POP7: variants seen among roughly 807,000 people sequenced by gnomAD.
POP7 encodes the protein ribonuclease P protein subunit p20.
A neutral mutation model predicts 7.5 loss-of-function variants in POP7; 5 were observed. That is an observed-to-expected ratio of 0.66 (90% CI 0.35 to 1.40). The LOEUF is 1.40. Ranked by LOEUF, POP7 falls within the 40% of genes most tolerant of loss-of-function variation. The pLI is 0.04. For missense variants in POP7, 170 were observed against 189.1 expected (o/e 0.90, Z 0.59); for synonymous variants, 85 against 81.6 (o/e 1.04, Z -0.23).
At position 100,707,053 on chromosome 7, in the gene POP7, G is replaced by C; in HGVS notation, c.223G>C (p.Gly75Arg). The change falls in exon 2 of 2, where the codon GGC (glycine) becomes CGC (arginine). Residue 75 changes from glycine (G) to arginine (R), a missense_variant. Physicochemically the swap from Gly to Arg is moderately radical, Grantham distance 125 (BLOSUM62 -2). Transcript: ENST00000303151. Reference protein sequence around the residue: ...ACSEIYIHGLGLAINRAINIA... With the variant: ...ACSEIYIHGLRLAINRAINIA... ...CTCTGAGATCTACATTCACGGCTTG[G>C]GCCTGGCCATCAACCGCGCCATCAA... 1 of 1,614,082 alleles carries C rather than the reference G, an allele frequency of 6.2e-7. No homozygotes were observed. Among genetic ancestry groups the C allele is most frequent in the Non-Finnish European group, 8.5e-7 (1 of 1,180,046 alleles).
chr7:100,706,338 T>A, intron 1 of POP7, 34 bp downstream of exon 1: 1 of 153,036 alleles, frequency 6.5e-6, no homozygotes, highest in Admixed American at 6.5e-5. Context: ...GGGGCGCGAG[T>A]TTGAGGGCGA....
In POP7 at chr7:100,707,084, C is replaced by T; in HGVS notation, c.254C>T (p.Ala85Val). Residue 85 changes from alanine to valine, a missense_variant, in exon 2 of 2, where the codon GCG becomes GTG. By Grantham distance (64) the Ala-to-Val change is moderately conservative. Coordinates refer to ENST00000303151, the MANE Select transcript of POP7 (RefSeq NM_005837.3). ...GLAINRAINI[A>V]LQLQAGSFGS... ...GCCATCAACCGCGCCATCAACATCGCGCTGCAGCTGCAGGCGGGCAGCTTC... is the reference window on the plus strand; with the variant it reads ...GCCATCAACCGCGCCATCAACATCGTGCTGCAGCTGCAGGCGGGCAGCTTC... 6.2e-7 allele frequency: 1 copy of T among 1,614,106 alleles called. No homozygotes were observed. Among genetic ancestry groups the T allele is most frequent in the Non-Finnish European group, 8.5e-7 (1 of 1,180,042 alleles).
rs185553270 is a variant in POP7, at chr7:100,707,333, T to A, written c.*80T>A. ...AGTACTGGACCTCGGACCAGAGCCA[T>A]GTAAGAAAAGGCCTGTTCCCTGGAA... On this transcript the variant is annotated 3_prime_UTR_variant, in exon 2 of 2. Transcript: ENST00000303151. 6.8e-7 allele frequency: 1 copy of A among 1,467,758 alleles called. No homozygotes were observed. The highest frequency in any genetic ancestry group is 9.2e-7 in the Non-Finnish European group (1 of 1,089,408). 90.9% of individuals were successfully genotyped at this position (1,467,758 alleles called of 1,614,324 possible). A position where few individuals can be genotyped will look rare whatever the true frequency, so the allele number is the denominator to read the frequency against.
Position 100,707,249 on chromosome 7 carries a change from A to G in POP7, c.419A>G (p.Lys140Arg). Reference sequence around the variant, plus strand: ...ATCCGAGTCTTCAGGGTCACACCCAAGTAATTGAAAAGACACTCCTCCACT... The same window carrying G: ...ATCCGAGTCTTCAGGGTCACACCCAGGTAATTGAAAAGACACTCCTCCACT... ...IHIRVFRVTP[K>R] Residue 140 changes from lysine to arginine, a missense_variant, in exon 2 of 2, where the codon AAG (lysine) becomes AGG (arginine). Physicochemically the swap from Lys to Arg is conservative, Grantham distance 26 (BLOSUM62 2). Transcript: ENST00000303151. The G allele has an allele frequency of 1.2e-6, 2 of 1,611,608 alleles. No homozygotes were observed. The highest frequency in any genetic ancestry group is 2.2e-5 in the South Asian group (2 of 91,058).
Position 100,707,118 on chromosome 7 carries a change from G to T in POP7, c.288G>T (p.Leu96Phe). ...LQLQAGSFGS[L>F]QVAANTSTVE... ...TGCAGGCGGGCAGCTTCGGGTCCTT[G>T]CAGGTGGCTGCCAATACCTCCACCG... Residue 96 changes from leucine to phenylalanine, a missense_variant, in exon 2 of 2, where the codon TTG (leucine) becomes TTT (phenylalanine). Physicochemically the swap from Leu to Phe is conservative, Grantham distance 22. Transcript: ENST00000303151. The T allele has an allele frequency of 1.2e-6, 2 of 1,614,118 alleles. No individual in the cohort carries two copies. The highest frequency in any genetic ancestry group is 1.7e-6 in the Non-Finnish European group (2 of 1,180,028).
In POP7 at chr7:100,707,012, G is replaced by A; in HGVS notation, c.182G>A (p.Arg61Gln). 2 of 1,613,888 alleles carry A rather than the reference G, an allele frequency of 1.2e-6. No homozygotes were observed. The highest frequency in any genetic ancestry group is 1.7e-6 in the Non-Finnish European group (2 of 1,179,984). The change falls in exon 2 of 2, where the codon CGG (arginine) becomes CAG (glutamine). Residue 61 changes from arginine to glutamine, a missense_variant. Physicochemically the swap from Arg to Gln is conservative, Grantham distance 43 (BLOSUM62 1). Coordinates refer to ENST00000303151, the MANE Select transcript of POP7 (RefSeq NM_005837.3). Reference protein sequence around the residue: ...RCQKLLDGGARGQNACSEIYI... With the variant: ...RCQKLLDGGAQGQNACSEIYI... ...CAGAAGCTGCTGGACGGAGGGGCCC[G>A]GGGTCAGAACGCGTGCTCTGAGATC...
Position 100,706,866 on chromosome 7 carries a change from G to C in POP7, c.36G>C (p.Glu12Asp), listed in dbSNP as rs1806528708. 1.2e-6 allele frequency: 2 copies of C among 1,613,812 alleles called. No individual in the cohort carries two copies. The highest frequency in any genetic ancestry group is 1.3e-5 in the African/African-American group (1 of 74,928). The change falls in exon 2 of 2, where the codon GAG (glutamate) becomes GAC (aspartate). Residue 12 changes from glutamate (E) to aspartate (D), a missense_variant. Glu to Asp is a conservative substitution (Grantham distance 45, BLOSUM62 2). Transcript: ENST00000303151. ...AENREPRGAVEAELDPVEYTL... is the reference protein window; with the variant it reads ...AENREPRGAVDAELDPVEYTL... Reference sequence around the variant, plus strand: ...ACCGAGAGCCCCGCGGTGCTGTGGAGGCTGAACTGGATCCAGTGGAATACA... The same window carrying C: ...ACCGAGAGCCCCGCGGTGCTGTGGACGCTGAACTGGATCCAGTGGAATACA...
In POP7 at chr7:100,706,928, G is replaced by T; in HGVS notation, c.98G>T (p.Arg33Ile). The part of the protein sequence containing the change: ...RKRLPSRLPR[R>I]PNDIYVNMKT... ...AGGCTTCCCAGCCGCCTGCCCCGGAGACCCAATGACATTTATGTCAACATG... is the reference window on the plus strand; with the variant it reads ...AGGCTTCCCAGCCGCCTGCCCCGGATACCCAATGACATTTATGTCAACATG... Residue 33 changes from arginine to isoleucine, a missense_variant, in exon 2 of 2, where the codon AGA becomes ATA. Physicochemically the swap from Arg to Ile is moderately conservative, Grantham distance 97. Transcript: ENST00000303151. 5.0e-6 allele frequency: 8 copies of T among 1,614,036 alleles called. No homozygotes were observed. The highest frequency in any genetic ancestry group is 6.8e-6 in the Non-Finnish European group (8 of 1,180,044).
Position 100,706,888 on chromosome 7 carries a change from T to C in POP7, c.58T>C (p.Tyr20His). 3.1e-6 allele frequency: 5 copies of C among 1,613,868 alleles called. No homozygotes were observed. Among genetic ancestry groups the C allele is most frequent in the Non-Finnish European group, 3.4e-6 (4 of 1,180,020 alleles). Residue 20 changes from tyrosine (Y) to histidine (H), a missense_variant, in exon 2 of 2, where the codon TAC becomes CAC. Transcript: ENST00000303151. ...GGAGGCTGAACTGGATCCAGTGGAA[T>C]ACACCCTTAGGAAAAGGCTTCCCAG... is the stretch of plus-strand genomic sequence containing the variant. ...AVEAELDPVE[Y>H]TLRKRLPSRL...
rs1417275191 is a variant in POP7 at position 100,707,471 on chromosome 7, A to G, written c.*218A>G. The G allele has an allele frequency of 1.7e-6, 1 of 579,656 alleles. No homozygotes were observed. Among genetic ancestry groups the G allele is most frequent in the East Asian group, 3.0e-5 (1 of 33,892 alleles). 35.9% of individuals were successfully genotyped at this position (579,656 alleles called of 1,614,324 possible). On this transcript the variant is annotated 3_prime_UTR_variant, in exon 2 of 2. Coordinates refer to ENST00000303151, the MANE Select transcript of POP7 (RefSeq NM_005837.3). ...GTAACTATTGCCATATAAATAAAAAATCCTGTTGCACTAGTGTCCTGCCAT... is the reference window on the plus strand; with the variant it reads ...GTAACTATTGCCATATAAATAAAAAGTCCTGTTGCACTAGTGTCCTGCCAT...
rs1163583209 is a variant in POP7, at chr7:100,707,386, G to A, written c.*133G>A. 8.1e-6 allele frequency: 9 copies of A among 1,104,892 alleles called. No homozygotes were observed. The highest frequency in any genetic ancestry group is 2.6e-5 in the East Asian group (1 of 38,464). 68.4% of individuals were successfully genotyped at this position (1,104,892 alleles called of 1,614,324 possible). A position where few individuals can be genotyped will look rare whatever the true frequency, so the allele number is the denominator to read the frequency against. Reference sequence around the variant, plus strand: ...CCAAAGGACTCTGCATTGAGGGTGGGGGTAATTGTCTCTTGGTGGGCCCAG... The same window carrying A: ...CCAAAGGACTCTGCATTGAGGGTGGAGGTAATTGTCTCTTGGTGGGCCCAG... On this transcript the variant is annotated 3_prime_UTR_variant, in exon 2 of 2. Coordinates refer to ENST00000303151, the MANE Select transcript of POP7 (RefSeq NM_005837.3).
intron 1 of POP7, chr7:100,706,545 C>T (rs1368367900): frequency 2.2e-6 from 1 of 447,470 alleles, no homozygotes; most frequent in Non-Finnish European, 4.0e-6. Flanking sequence ...GGCGCGATCA[C>T]GGCTCACTGT....
intron 1 of POP7, 104 bp from the exon 2 acceptor site, chr7:100,706,717 C>T (rs889171996): frequency 3.5e-6 from 4 of 1,158,490 alleles, no homozygotes; most frequent in East Asian, 2.4e-5. Flanking sequence ...AGGTTACAGG[C>T]GTGAGCCACT....
Position 100,707,393 on chromosome 7 carries a change from T to TG in POP7, c.*141dup. ...ACTCTGCATTGAGGGTGGGGGTAATTGTCTCTTGGTGGGCCCAGTTAGTGG... is the reference window on the plus strand; with the variant it reads ...ACTCTGCATTGAGGGTGGGGGTAATTGGTCTCTTGGTGGGCCCAGTTAGTGG... On this transcript the variant is annotated 3_prime_UTR_variant, in exon 2 of 2. Transcript: ENST00000303151. The TG allele has an allele frequency of 1.0e-6, 1 of 1,004,648 alleles. No individual in the cohort carries two copies. The highest frequency in any genetic ancestry group is 1.4e-6 in the Non-Finnish European group (1 of 690,896). The allele number at this position is 1,004,648 out of a possible 1,614,324, so 62.2% of individuals were successfully genotyped here. A position where few individuals can be genotyped will look rare whatever the true frequency, so the allele number is the denominator to read the frequency against.
Position 100,707,027 on chromosome 7 carries a change from G to A in POP7, c.197G>A (p.Cys66Tyr), listed in dbSNP as rs1806532075. 1.2e-6 allele frequency: 2 copies of A among 1,613,900 alleles called. No individual in the cohort carries two copies. Among genetic ancestry groups the A allele is most frequent in the Non-Finnish European group, 1.7e-6 (2 of 1,179,970 alleles). The change falls in exon 2 of 2, where the codon TGC (cysteine) becomes TAC (tyrosine). Residue 66 changes from cysteine (C) to tyrosine (Y), a missense_variant. Coordinates refer to ENST00000303151, the MANE Select transcript of POP7 (RefSeq NM_005837.3). ...GGAGGGGCCCGGGGTCAGAACGCGT[G>A]CTCTGAGATCTACATTCACGGCTTG... ...LDGGARGQNA[C>Y]SEIYIHGLGL...
At position 100,706,978 on chromosome 7, in the gene POP7, G is replaced by T; in HGVS notation, c.148G>T (p.Ala50Ser). Reference sequence around the variant, plus strand: ...GAAGACGGACTTTAAGGCCCAGCTGGCCCGCTGCCAGAAGCTGCTGGACGG... The same window carrying T: ...GAAGACGGACTTTAAGGCCCAGCTGTCCCGCTGCCAGAAGCTGCTGGACGG... ...NMKTDFKAQL[A>S]RCQKLLDGGA... The change falls in exon 2 of 2, where the codon GCC becomes TCC. Residue 50 changes from alanine (A) to serine (S), a missense_variant. Transcript: ENST00000303151. 6.2e-7 allele frequency: 1 copy of T among 1,614,120 alleles called. No homozygotes were observed. The highest frequency in any genetic ancestry group is 8.5e-7 in the Non-Finnish European group (1 of 1,180,050).
chr7:100,707,089 C>G lies in POP7; in HGVS notation c.259C>G (p.Gln87Glu), dbSNP rs766382904. The change falls in exon 2 of 2, where the codon CAG becomes GAG. Residue 87 changes from glutamine (Q) to glutamate (E), a missense_variant. Physicochemically the swap from Gln to Glu is conservative, Grantham distance 29 (BLOSUM62 2). Coordinates refer to ENST00000303151, the MANE Select transcript of POP7 (RefSeq NM_005837.3). ...CAACCGCGCCATCAACATCGCGCTGCAGCTGCAGGCGGGCAGCTTCGGGTC... is the reference window on the plus strand; with the variant it reads ...CAACCGCGCCATCAACATCGCGCTGGAGCTGCAGGCGGGCAGCTTCGGGTC... ...AINRAINIAL[Q>E]LQAGSFGSLQ... 1 of 1,614,138 alleles carries G rather than the reference C, an allele frequency of 6.2e-7. No homozygotes were observed. The highest frequency in any genetic ancestry group is 1.1e-5 in the South Asian group (1 of 91,092).
chr7:100,707,135 C>T lies in POP7; in HGVS notation c.305C>T (p.Thr102Ile), dbSNP rs773517808. 5 of 1,614,168 alleles carry T rather than the reference C, an allele frequency of 3.1e-6. No individual in the cohort carries two copies. Among genetic ancestry groups the T allele is most frequent in the East Asian group, 4.5e-5 (2 of 44,882 alleles). ...SFGSLQVAAN[T>I]STVELVDELE... ...GGGTCCTTGCAGGTGGCTGCCAATA[C>T]CTCCACCGTGGAGCTTGTTGATGAG... is the stretch of plus-strand genomic sequence containing the variant. The change falls in exon 2 of 2, where the codon ACC (threonine) becomes ATC (isoleucine). Residue 102 changes from threonine to isoleucine, a missense_variant. Transcript: ENST00000303151.
rs1584526193 is a variant in POP7 at position 100,707,176 on chromosome 7, G to T, written c.346G>T (p.Asp116Tyr). 1.2e-6 allele frequency: 2 copies of T among 1,614,176 alleles called. No individual in the cohort carries two copies. The highest frequency in any genetic ancestry group is 4.5e-5 in the East Asian group (2 of 44,888). Residue 116 changes from aspartate (D) to tyrosine (Y), a missense_variant, in exon 2 of 2, where the codon GAC becomes TAC. Coordinates refer to ENST00000303151, the MANE Select transcript of POP7 (RefSeq NM_005837.3). ...ELVDELEPET[D>Y]TREPLTRIRN... ...TGTTGATGAGCTGGAGCCAGAGACC[G>T]ACACACGGGAGCCACTGACTCGGAT...
Sources: gnomAD v4.1 joint callset for allele counts on GRCh38, gnomAD v4.1.1 for gene constraint, MANE v1.5 for transcripts, NCBI Gene and HGNC (gene_info 2026-07-23, HGNC 2026-07-21) for gene names.